The following FBN1 variants were observed in gnomAD, a reference collection of about 807,000 sequenced individuals.
FBN1 encodes fibrillin-1.
A neutral mutation model predicts 365.1 loss-of-function variants in FBN1; 29 were observed. The ratio of observed to expected loss-of-function variants is 0.08; its 90% CI spans 0.06 to 0.11. The LOEUF is 0.11. Among genes scored for constraint, FBN1 ranks in the 10% least tolerant of loss-of-function variants. The pLI is 1.00. For missense variants in FBN1, 2,476 were observed against 3,703.2 expected (o/e 0.67, Z 8.60); for synonymous variants, 1,210 against 1,270.5 (o/e 0.95, Z 1.01).
intron 6 of FBN1, among the ~76,000 whole-genome samples, chr15:48,580,168 C>A (rs1018370177): frequency 6.6e-6 from 1 of 152,130 alleles, no homozygotes; most frequent in African/African-American, 2.4e-5. Flanking sequence ...CATACCTACC[C>A]ACACCATGGC....
At chr15:48,488,312 GATAA>G in intron 26 of FBN1, 52 bp downstream of exon 26, 1 of 1,356,472 alleles carries the variant, frequency 7.4e-7, no homozygotes, top group Non-Finnish European at 1.0e-6. Context: ...ATATGTTAAA[GATAA>G]AGAGTTTTAA....
intron 49 of FBN1, among the ~76,000 whole-genome samples, chr15:48,442,572 T>C (rs1005410813): frequency 2.0e-5 from 3 of 152,162 alleles, no homozygotes; most frequent in Admixed American, 6.5e-5. Flanking sequence ...TTAGCTCCTG[T>C]ACAGTGGTAG....
intron 6 of FBN1, among the ~76,000 whole-genome samples, chr15:48,555,160 C>T (rs1489382437): frequency 6.6e-6 from 1 of 152,132 alleles, no homozygotes; most frequent in East Asian, 1.9e-4. Context: ...TTCCTTGTCC[C>T]TTTCCTGTGT....
At chr15:48,622,873 C>A (rs994367288) in intron 2 of FBN1, among the ~76,000 whole-genome samples, 1 of 152,172 alleles carries the variant, frequency 6.6e-6, no homozygotes, top group Non-Finnish European at 1.5e-5. Context: ...ATCAGCTCTT[C>A]CATCTTTCCA....
intron 16 of FBN1, among the ~76,000 whole-genome samples, chr15:48,504,736 A>G (rs553423190): frequency 6.6e-6 from 1 of 152,320 alleles, no homozygotes; most frequent in South Asian, 2.1e-4. Context: ...AATTTCAATG[A>G]CCAATATCAA....
intron 6 of FBN1, among the ~76,000 whole-genome samples, chr15:48,559,514 C>T (rs985910834): frequency 1.3e-5 from 2 of 152,094 alleles, no homozygotes; most frequent in Non-Finnish European, 1.5e-5. Flanking sequence ...AGCCAGGGTC[C>T]GGAGCAAAGC....
At chr15:48,630,501 A>T (rs976300007) in intron 2 of FBN1, among the ~76,000 whole-genome samples, 1 of 152,174 alleles carries the variant, frequency 6.6e-6, no homozygotes, top group African/African-American at 2.4e-5. Context: ...AAAGTTCAAT[A>T]ATGTCTGGAT....
chr15:48,613,777 A>G (rs2044675072), intron 2 of FBN1, among the ~76,000 whole-genome samples: 1 of 152,014 alleles, frequency 6.6e-6, no homozygotes, highest in African/African-American at 2.4e-5. Flanking sequence ...AAAATACAAA[A>G]ATTAGCTTGG....
intron 2 of FBN1, among the ~76,000 whole-genome samples, chr15:48,633,630 A>T (rs1890032760): frequency 6.6e-6 from 1 of 152,180 alleles, no homozygotes. Context: ...AGTACTGAGG[A>T]TCTAAAACTC....
At chr15:48,625,529 GAC>G (rs1889859449) in intron 2 of FBN1, among the ~76,000 whole-genome samples, 1 of 152,066 alleles carries the variant, frequency 6.6e-6, no homozygotes. Context: ...CCCTGCATGA[GAC>G]CATCAGGGCC....
At chr15:48,443,211 G>C (rs2043129913) in intron 49 of FBN1, among the ~76,000 whole-genome samples, 1 of 152,104 alleles carries the variant, frequency 6.6e-6, no homozygotes, top group East Asian at 1.9e-4. Context: ...ATTGCCGATT[G>C]AATTACTCCA....
intron 18 of FBN1, 139 bp from the exon 19 acceptor site, chr15:48,497,530 C>T (rs2043618610): frequency 9.1e-6 from 7 of 765,794 alleles, no homozygotes; most frequent in South Asian, 4.9e-5. Flanking sequence ...GGAAAGAGAA[C>T]ACTCTGTCTC....
intron 6 of FBN1, among the ~76,000 whole-genome samples, chr15:48,539,166 A>G (rs2044036992): frequency 6.6e-6 from 1 of 152,058 alleles, no homozygotes; most frequent in Non-Finnish European, 1.5e-5. Flanking sequence ...CCTCCCTTGG[A>G]ATTTCAACTC....
At chr15:48,455,983 A>G (rs1274290428) in intron 44 of FBN1, among the ~76,000 whole-genome samples, 2 of 152,220 alleles carry the variant, frequency 1.3e-5, no homozygotes, top group African/African-American at 2.4e-5. Flanking sequence ...TCCTGGGCAC[A>G]TGGTATATTT....
Position 48,422,004 on chromosome 15 carries a change from G to T in FBN1, c.7518C>A (p.Gly2506=). 6.2e-7 allele frequency: 1 copy of T among 1,614,090 alleles called. No homozygotes were observed. Among genetic ancestry groups the T allele is most frequent in the Non-Finnish European group, 8.5e-7 (1 of 1,179,966 alleles). ...ATCCGGGAGGACATTTGCATGTGAA[G>T]CCGCCAATGGTGTTAACACATAGGA... ...CQFLCVNTIG[G]FTCKCPPGFT... Residue 2506 remains glycine (G), a synonymous_variant, in exon 61 of 66, where the codon GGC becomes GGA. Transcript: ENST00000316623.
chr15:48,556,544 T>C (rs919844792), intron 6 of FBN1, among the ~76,000 whole-genome samples: 16 of 152,350 alleles, frequency 1.1e-4, no homozygotes, highest in African/African-American at 3.6e-4. Flanking sequence ...TCCAGGCATC[T>C]GAAATGCAGT....
intron 2 of FBN1, among the ~76,000 whole-genome samples, chr15:48,638,345 T>C: frequency 6.6e-6 from 1 of 152,168 alleles, no homozygotes; most frequent in East Asian, 1.9e-4. Flanking sequence ...GAAACGAAGG[T>C]ATAAAAGGTA....
chr15:48,451,542 G>A (rs770221857), intron 45 of FBN1, among the ~76,000 whole-genome samples: 47 of 152,062 alleles, frequency 3.1e-4, no homozygotes, highest in Non-Finnish European at 4.9e-4. Context: ...ATACCCTAAA[G>A]AGAACAGTGC....
chr15:48,517,977 G>A (rs2141333042), intron 10 of FBN1, among the ~76,000 whole-genome samples: 1 of 152,264 alleles, frequency 6.6e-6, no homozygotes, highest in South Asian at 2.1e-4. Flanking sequence ...GGAAAGTACT[G>A]TTGGTACTTT....
Sources: gnomAD v4.1 joint callset for allele counts (sites outside exome capture counted in the v4.1 genomes callset) on GRCh38, gnomAD v4.1.1 for gene constraint, MANE v1.5 for transcripts, NCBI Gene and HGNC (gene_info 2026-07-23, HGNC 2026-07-21) for gene names.